The following PRICKLE1 variants were observed in gnomAD, a reference collection of about 807,000 sequenced individuals.
PRICKLE1 encodes the protein prickle planar cell polarity protein 1, also known as prickle-like protein 1.
In PRICKLE1, 14 loss-of-function variants were observed where a neutral mutation model predicts 70.2. The ratio of observed to expected loss-of-function variants is 0.20; its 90% CI spans 0.13 to 0.31. PRICKLE1 has a LOEUF of 0.31. Ranked by LOEUF, PRICKLE1 falls within the 10% of genes least tolerant of loss-of-function variation. The probability of loss-of-function intolerance (pLI) is 1.00; values close to 1 mark genes in which losing one functional copy is unlikely to be tolerated. For missense variants in PRICKLE1, 821 were observed against 1,026.2 expected (o/e 0.80, Z 2.73); for synonymous variants, 357 against 379.9 (o/e 0.94, Z 0.70).
intron 5 of PRICKLE1, among the ~76,000 whole-genome samples, chr12:42,468,303 A>G (rs1475540320): frequency 6.6e-6 from 1 of 152,206 alleles, no homozygotes. Context: ...GAGACCATCT[A>G]CTACATGCTC....
At position 42,464,551 on chromosome 12, in the gene PRICKLE1, T is replaced by C; in HGVS notation, c.1483A>G (p.Arg495Gly). Reference protein sequence around the residue: ...YGSHPGPASSRRLQELELDHG... With the variant: ...YGSHPGPASSGRLQELELDHG... ...TCCAGTTCCAATTCCTGAAGCCTTCTACTGCTTGCAGGGCCTGGGTGGCTG... is the reference window on the plus strand; with the variant it reads ...TCCAGTTCCAATTCCTGAAGCCTTCCACTGCTTGCAGGGCCTGGGTGGCTG... The change falls in exon 7 of 8, where the codon AGA (arginine) becomes GGA (glycine). Residue 495 changes from arginine (R) to glycine (G), a missense_variant. Arg to Gly is a moderately radical substitution (Grantham distance 125). Transcript: ENST00000345127. The surrounding 1 kb of genome is among the most constrained non-coding windows in gnomAD (Gnocchi z 4.2). The C allele has an allele frequency of 6.2e-7, 1 of 1,613,982 alleles. No homozygotes were observed. Among genetic ancestry groups the C allele is most frequent in the African/African-American group, 1.3e-5 (1 of 74,990 alleles).
intron 1 of PRICKLE1, among the ~76,000 whole-genome samples, chr12:42,571,507 T>C (rs12299101): frequency 0.017 from 2,659 of 152,182 alleles, 78 homozygotes; most frequent in African/African-American, 0.06. Context: ...CTGCAGGCAG[T>C]TTTGGGGTTG....
intron 1 of PRICKLE1, among the ~76,000 whole-genome samples, chr12:42,574,450 G>A (rs893503976): frequency 1.3e-5 from 2 of 152,190 alleles, no homozygotes; most frequent in Non-Finnish European, 2.9e-5. Flanking sequence ...AGCAAATTGT[G>A]TCTGGTTATT....
chr12:42,559,909 G>A (rs187223448), intron 1 of PRICKLE1, among the ~76,000 whole-genome samples: 1 of 151,800 alleles, frequency 6.6e-6, no homozygotes, highest in East Asian at 1.9e-4. Flanking sequence ...CTGTGCTGAA[G>A]GGTTTTTTAT....
At chr12:42,588,939 C>T (rs1592050584) in intron 1 of PRICKLE1, among the ~76,000 whole-genome samples, 2 of 152,220 alleles carry the variant, frequency 1.3e-5, no homozygotes, top group South Asian at 2.1e-4. Context: ...ATCTGTGCTA[C>T]ATTCAGCAAA....
Position 42,464,834 on chromosome 12 carries a change from T to C in PRICKLE1, c.1200A>G (p.Glu400=). Residue 400 remains glutamate (E), a synonymous_variant, in exon 7 of 8, where the codon GAA becomes GAG. Coordinates refer to ENST00000345127, the MANE Select transcript of PRICKLE1 (RefSeq NM_153026.3). This position sits in a 1 kb window ranked among gnomAD's most constrained non-coding sequence, Gnocchi z 4.2. ...CCCATTCTTCAGGGTCTTCTGGAGT[T>C]TCCTGCTCTACTCTGCCTTTCCAAA... is the stretch of plus-strand genomic sequence containing the variant. ...EEFWKGRVEQ[E]TPEDPEEWAD... is the part of the protein sequence containing the mutation. 6.2e-7 allele frequency: 1 copy of C among 1,614,126 alleles called. No individual in the cohort carries two copies. The highest frequency in any genetic ancestry group is 1.6e-4 in the Middle Eastern group (1 of 6,062).
Position 42,589,360 on chromosome 12 carries a change from G to C in PRICKLE1, c.-49+105C>G, listed in dbSNP as rs1941039583. On this transcript the variant is annotated intron_variant, in intron 1 of 7. Transcript: ENST00000345127. This position sits in a 1 kb window ranked among gnomAD's most constrained non-coding sequence, Gnocchi z 5.0. ...CCCAGTCTGGGTGTCACAGACTCCGGCGGTGCCAGCGAAGGTGCCCGGCCC... is the reference window on the plus strand; with the variant it reads ...CCCAGTCTGGGTGTCACAGACTCCGCCGGTGCCAGCGAAGGTGCCCGGCCC... The C allele has an allele frequency of 6.6e-6, 1 of 152,304 alleles. No homozygotes were observed. The highest frequency in any genetic ancestry group is 6.5e-5 in the Admixed American group (1 of 15,282). The allele number at this position is 152,304 out of a possible 1,614,324, so 9.4% of individuals were successfully genotyped here.
intron 1 of PRICKLE1, among the ~76,000 whole-genome samples, chr12:42,516,859 C>T (rs189291791): frequency 6.6e-6 from 1 of 152,330 alleles, no homozygotes; most frequent in East Asian, 1.9e-4. Context: ...CCAGATTCTT[C>T]AGATAATACT....
intron 1 of PRICKLE1, among the ~76,000 whole-genome samples, chr12:42,512,002 C>T (rs1939520907): frequency 6.6e-6 from 1 of 152,174 alleles, no homozygotes; most frequent in African/African-American, 2.4e-5. Flanking sequence ...TCCCCTTACA[C>T]CATCATTCTA....
At chr12:42,475,226 A>G (rs1938476592) in intron 1 of PRICKLE1, among the ~76,000 whole-genome samples, 1 of 152,232 alleles carries the variant, frequency 6.6e-6, no homozygotes, top group African/African-American at 2.4e-5. Context: ...AAAGAGTCCA[A>G]CTGAAGGACA....
Position 42,468,734 on chromosome 12 carries a change from C to A in PRICKLE1, c.480G>T (p.Thr160=). The A allele has an allele frequency of 6.2e-7, 1 of 1,614,120 alleles. No homozygotes were observed. Among genetic ancestry groups the A allele is most frequent in the East Asian group, 2.2e-5 (1 of 44,884 alleles). ...CWHPSCFVCF[T]CNELLVDLIY... is the part of the protein sequence containing the mutation. ...TGAGGTCGACCAGCAGCTCATTACA[C>A]GTGAAACAGACAAAACAGGATGGGT... The change falls in exon 5 of 8, where the codon ACG becomes ACT. Residue 160 remains threonine (T), a synonymous_variant. Coordinates refer to ENST00000345127, the MANE Select transcript of PRICKLE1 (RefSeq NM_153026.3).
At chr12:42,579,894 T>C (rs915611723) in intron 1 of PRICKLE1, among the ~76,000 whole-genome samples, 4 of 151,966 alleles carry the variant, frequency 2.6e-5, no homozygotes, top group African/African-American at 4.8e-5. Context: ...TTTTTTGAGA[T>C]AGGTTTTGCT....
At chr12:42,511,997 T>G (rs1039114305) in intron 1 of PRICKLE1, among the ~76,000 whole-genome samples, 4 of 152,154 alleles carry the variant, frequency 2.6e-5, no homozygotes, top group African/African-American at 9.7e-5. Context: ...CTGACTCCCC[T>G]TACACCATCA....
rs561200246 is a variant in PRICKLE1 at position 42,515,877 on chromosome 12, A to G, written c.-48-43313T>C. The stretch of plus-strand genomic sequence containing the variant: ...CATTGGTATGAATCTACTTTCAAAC[A>G]CTGTACACAGTACTTGGTAAGCCTT... On this transcript the variant is annotated intron_variant, in intron 1 of 7. Coordinates refer to ENST00000345127, the MANE Select transcript of PRICKLE1 (RefSeq NM_153026.3). Among the ~76,000 whole-genome samples the G allele has an allele frequency of 8.5e-5, 13 of 152,310 alleles. No individual in the cohort carries two copies. The East Asian group carries it at 2.3e-3, about 27-fold the overall frequency.
intron 5 of PRICKLE1, among the ~76,000 whole-genome samples, chr12:42,467,912 ATTGATC>A (rs1301685877): frequency 6.6e-6 from 1 of 152,232 alleles, no homozygotes. Flanking sequence ...AGCACCCTGG[ATTGATC>A]TTGGATAAGA....
At chr12:42,588,706 T>G (rs571776424) in intron 1 of PRICKLE1, among the ~76,000 whole-genome samples, 22 of 152,262 alleles carry the variant, frequency 1.4e-4, no homozygotes, top group African/African-American at 4.8e-4. Context: ...ACCTCGTTCT[T>G]CAGCCTCCTG....
rs186071793 is a variant in PRICKLE1, at chr12:42,462,643, C to T, written c.1639+1752G>A. ...TTATCTTTGACAAGTCCACAGAAGC[C>T]GGGGGGGTAGCTTTGCCGTACCCTT... On this transcript the variant is annotated intron_variant, in intron 7 of 7. Coordinates refer to ENST00000345127, the MANE Select transcript of PRICKLE1 (RefSeq NM_153026.3). Among the ~76,000 whole-genome samples the T allele has an allele frequency of 1.1e-3, 169 of 152,190 alleles. 2 individuals are homozygous for T. The highest frequency in any genetic ancestry group is 4.4e-3 in the Admixed American group (67 of 15,276).
At chr12:42,471,324 A>G (rs1938313710) in intron 2 of PRICKLE1, among the ~76,000 whole-genome samples, 1 of 152,118 alleles carries the variant, frequency 6.6e-6, no homozygotes, top group Non-Finnish European at 1.5e-5. Flanking sequence ...ACTGCAAAGG[A>G]TACTGCAGAG....
chr12:42,564,617 AAAAAG>A (rs1459480766), intron 1 of PRICKLE1, among the ~76,000 whole-genome samples: 2 of 152,240 alleles, frequency 1.3e-5, no homozygotes, highest in Admixed American at 6.5e-5. Flanking sequence ...AAAAAAGAAA[AAAAAG>A]AAAAGAAATC....
Sources: allele counts gnomAD v4.1 joint callset (sites outside exome capture counted in the v4.1 genomes callset), GRCh38; gene constraint gnomAD v4.1.1; non-coding constraint Gnocchi (gnomAD v3.1); transcripts MANE v1.5; gene names NCBI Gene and HGNC (gene_info 2026-07-23, HGNC 2026-07-21).